Variants in JAKMIP3 observed in about 807,000 individuals in gnomAD.
JAKMIP3 encodes the protein janus kinase and microtubule-interacting protein 3.
A neutral mutation model predicts 118.5 loss-of-function variants in JAKMIP3; 58 were observed. The ratio of observed to expected loss-of-function variants is 0.49; its 90% confidence interval spans 0.40 to 0.61. The LOEUF is 0.61. JAKMIP3 is among the 20% of genes least tolerant of loss of function. JAKMIP3 has a pLI of 0.00. For synonymous variants in JAKMIP3, 486 were observed against 451.2 expected, an observed-to-expected ratio of 1.08 and a Z score of -0.98; for missense variants, 950 against 1,109.0, an observed-to-expected ratio of 0.86 and a Z score of 2.04.
intron 3 of JAKMIP3, among the ~76,000 whole-genome samples, chr10:132,124,438 G>C (rs1317317474): frequency 6.8e-6 from 1 of 147,166 alleles, no homozygotes; most frequent in African/African-American, 2.5e-5. Flanking sequence ...TCCCACCCTG[G>C]CACATCACCG....
chr10:132,078,958 G>A (rs1015624450), intron 1 of JAKMIP3, among the ~76,000 whole-genome samples: 4 of 152,220 alleles, frequency 2.6e-5, no homozygotes, highest in Non-Finnish European at 1.5e-5. Context: ...CAGGCCGTCA[G>A]GCGCAGCGCA....
Position 132,104,786 on chromosome 10 carries a change from C to A in JAKMIP3, c.-23C>A, listed in dbSNP as rs1191267754. ...GCCGGAGCACCCTACCCCTGGGCAT[C>A]CCCCTGGCCATCCAGCCTCACCATG... On this transcript the variant is annotated 5_prime_UTR_variant, in exon 2 of 24. Coordinates refer to ENST00000684848, the MANE Select transcript of JAKMIP3 (RefSeq NM_001323087.2). The A allele has an allele frequency of 1.3e-6, 2 of 1,546,002 alleles. No individual in the cohort carries two copies. The highest frequency in any genetic ancestry group is 2.5e-5 in the East Asian group (1 of 40,816).
intron 1 of JAKMIP3, among the ~76,000 whole-genome samples, chr10:132,042,428 G>A (rs985808205): frequency 5.3e-5 from 8 of 152,010 alleles, no homozygotes; most frequent in Non-Finnish European, 7.4e-5. Flanking sequence ...TGCTGGTCTC[G>A]AACTCCTGGG....
In JAKMIP3 at chr10:132,135,914, G is replaced by A. The variant is rs1470958742; in HGVS notation, c.970-16G>A. 2 of 1,609,074 alleles carry A rather than the reference G, an allele frequency of 1.2e-6. No individual in the cohort carries two copies. The highest frequency in any genetic ancestry group is 2.7e-5 in the African/African-American group (2 of 74,756). Reference sequence around the variant, plus strand: ...CCGTCACTTAAAGAACAATCACATAGTGCGTTGTCTTTCAGTTGAAGCGCG... The same window carrying A: ...CCGTCACTTAAAGAACAATCACATAATGCGTTGTCTTTCAGTTGAAGCGCG... On this transcript the variant is annotated splice_polypyrimidine_tract_variant and intron_variant, in intron 5 of 23. Coordinates refer to ENST00000684848, the MANE Select transcript of JAKMIP3 (RefSeq NM_001323087.2).
chr10:132,149,331 T>C (rs2055354217), intron 14 of JAKMIP3, 81 bp from the exon 15 acceptor site: 1 of 903,640 alleles, frequency 1.1e-6, no homozygotes. Context: ...TCTTGGCCCG[T>C]GTTCCTCAGG....
In JAKMIP3 at chr10:132,169,019, C is replaced by T. The variant is rs1202475000; in HGVS notation, c.*1089C>T. 6.4e-6 allele frequency: 1 copy of T among 155,118 alleles called. No homozygotes were observed. The highest frequency in any genetic ancestry group is 6.3e-5 in the Admixed American group (1 of 15,970). 9.6% of individuals were successfully genotyped at this position (155,118 alleles called of 1,614,324 possible). On this transcript the variant is annotated 3_prime_UTR_variant, in exon 23 of 24. Transcript: ENST00000684848. ...GTGGGGACGCTGCACGAGCCGTGGA[C>T]CAAGAGGCTGACAGGTAAGGGCTGC...
intron 19 of JAKMIP3, among the ~76,000 whole-genome samples, chr10:132,156,464 C>A (rs571615438): frequency 6.6e-6 from 1 of 152,308 alleles, no homozygotes; most frequent in African/African-American, 2.4e-5. Flanking sequence ...TGTGCAGCCA[C>A]CACCACAGCA....
intron 11 of JAKMIP3, 142 bp from the exon 12 acceptor site, chr10:132,144,965 C>T: frequency 1.5e-6 from 1 of 655,032 alleles, no homozygotes; most frequent in Non-Finnish European, 2.7e-6. Context: ...TCTTAGAAAG[C>T]ATCTCTTCCA....
In JAKMIP3 at chr10:132,137,074, G is replaced by A. The variant is rs1307348650; in HGVS notation, c.1172G>A (p.Ser391Asn). Residue 391 changes from serine (S) to asparagine (N), a missense_variant, in exon 7 of 24, where the codon AGT (serine) becomes AAT (asparagine). Ser to Asn is a conservative substitution (Grantham distance 46). Coordinates refer to ENST00000684848, the MANE Select transcript of JAKMIP3 (RefSeq NM_001323087.2). Reference protein sequence around the residue: ...RPSSLNDLDQSQDEREVDFLK... With the variant: ...RPSSLNDLDQNQDEREVDFLK... The stretch of plus-strand genomic sequence containing the variant: ...AGTTCCTTGAATGACCTTGATCAAA[G>A]TCAGGATGAGAGAGAAGTCGATTTC... 2 of 1,613,856 alleles carry A rather than the reference G, an allele frequency of 1.2e-6. No individual in the cohort carries two copies. Among genetic ancestry groups the A allele is most frequent in the Admixed American group, 3.3e-5 (2 of 60,002 alleles).
intron 3 of JAKMIP3, among the ~76,000 whole-genome samples, chr10:132,124,166 T>G (rs967745754): frequency 2.7e-4 from 41 of 152,194 alleles, no homozygotes; most frequent in Non-Finnish European, 4.4e-5. Context: ...AGCACTGGGG[T>G]GGGGGCCCAG....
At chr10:132,088,267 C>G (rs1337123261) in intron 1 of JAKMIP3, among the ~76,000 whole-genome samples, 3 of 152,108 alleles carry the variant, frequency 2.0e-5, no homozygotes, top group African/African-American at 7.2e-5. Context: ...GTTCTAGATC[C>G]CTGAGGAATC....
At chr10:132,136,223 G>C (rs914239172) in intron 6 of JAKMIP3, 147 bp downstream of exon 6, 5 of 840,630 alleles carry the variant, frequency 5.9e-6, no homozygotes, top group Non-Finnish European at 9.1e-6. Context: ...ACGCATGTTT[G>C]AAGGGGAGCA....
At chr10:132,103,882 C>T (rs2045496293) in intron 1 of JAKMIP3, among the ~76,000 whole-genome samples, 1 of 152,318 alleles carries the variant, frequency 6.6e-6, no homozygotes, top group South Asian at 2.1e-4. Context: ...CAGTAGCTCC[C>T]ATTGCCTCTC....
intron 3 of JAKMIP3, among the ~76,000 whole-genome samples, chr10:132,121,225 C>G (rs2048487627): frequency 1.3e-5 from 2 of 152,036 alleles, no homozygotes; most frequent in African/African-American, 4.8e-5. Flanking sequence ...CAGTGGCCTC[C>G]CGGGCCTGGC....
chr10:132,109,219 C>G (rs560535565), intron 2 of JAKMIP3, among the ~76,000 whole-genome samples: 1 of 151,908 alleles, frequency 6.6e-6, no homozygotes, highest in African/African-American at 2.4e-5. Flanking sequence ...GGGAGGATGG[C>G]TTGAGCCCAG....
intron 1 of JAKMIP3, among the ~76,000 whole-genome samples, chr10:132,100,926 G>C (rs1163508789): frequency 2.0e-5 from 3 of 152,166 alleles, no homozygotes; most frequent in African/African-American, 7.2e-5. Flanking sequence ...CTGGGTGCCT[G>C]AGCCTTGCCA....
upstream of JAKMIP3, among the ~76,000 whole-genome samples, chr10:132,065,823 T>C (rs932709730): frequency 6.6e-6 from 1 of 151,892 alleles, no homozygotes; most frequent in Non-Finnish European, 1.5e-5. The surrounding 1 kb of genome is among the most constrained non-coding windows in gnomAD (Gnocchi z 5.6). Context: ...AGGGAGAGCT[T>C]GGGCGATCCT....
intron 3 of JAKMIP3, among the ~76,000 whole-genome samples, chr10:132,120,327 C>G (rs1380915370): frequency 6.6e-6 from 1 of 152,146 alleles, no homozygotes; most frequent in Admixed American, 6.5e-5. Flanking sequence ...GAGGGATTGG[C>G]TGGGGGCTCA....
intron 19 of JAKMIP3, among the ~76,000 whole-genome samples, chr10:132,162,879 C>T (rs1227273977): frequency 3.9e-5 from 6 of 152,026 alleles, no homozygotes; most frequent in Non-Finnish European, 8.8e-5. Context: ...AGCTCCCTCC[C>T]ACCTTGCTGT....
Sources: allele counts gnomAD v4.1 joint callset (sites outside exome capture counted in the v4.1 genomes callset), GRCh38; gene constraint gnomAD v4.1.1; non-coding constraint Gnocchi (gnomAD v3.1); transcripts MANE v1.5; gene names NCBI Gene and HGNC (gene_info 2026-07-23, HGNC 2026-07-21).